Variants in SCFD2 observed in about 807,000 individuals in gnomAD.
SCFD2 encodes sec1 family domain-containing protein 2.
A neutral mutation model predicts 58.9 loss-of-function variants in SCFD2; 54 were observed. The ratio of observed to expected loss-of-function variants is 0.92; its 90% CI spans 0.74 to 1.15. SCFD2 has a LOEUF of 1.15. Among genes scored for constraint, SCFD2 ranks in the 50% most tolerant of loss-of-function variants. The pLI is 0.00. For missense variants in SCFD2, 805 were observed against 836.6 expected, an observed-to-expected ratio of 0.96 and a Z score of 0.47; for synonymous variants, 321 against 335.9, an observed-to-expected ratio of 0.96 and a Z score of 0.49.
At chr4:53,035,145 G>A (rs997373622) in intron 5 of SCFD2, among the ~76,000 whole-genome samples, 1 of 152,116 alleles carries the variant, frequency 6.6e-6, no homozygotes, top group Non-Finnish European at 1.5e-5. Flanking sequence ...CAATGGAACA[G>A]AACAGAGCCT....
chr4:53,305,139 G>A (rs933488093), intron 3 of SCFD2, among the ~76,000 whole-genome samples: 5 of 151,986 alleles, frequency 3.3e-5, no homozygotes, highest in African/African-American at 1.2e-4. Flanking sequence ...TTTAAAGGCT[G>A]AATAATATTT....
intron 4 of SCFD2, among the ~76,000 whole-genome samples, chr4:53,253,192 C>G (rs569519658): frequency 5.3e-5 from 8 of 152,230 alleles, no homozygotes; most frequent in Non-Finnish European, 1.2e-4. Flanking sequence ...CAATGAGATA[C>G]TATCTCCCAC....
intron 4 of SCFD2, among the ~76,000 whole-genome samples, chr4:53,266,336 T>C (rs1560420216): frequency 6.6e-6 from 1 of 152,234 alleles, no homozygotes. Flanking sequence ...TTACTGTACT[T>C]AGTTATGTAT....
At chr4:52,985,269 A>G (rs1263663578) in intron 5 of SCFD2, among the ~76,000 whole-genome samples, 1 of 152,192 alleles carries the variant, frequency 6.6e-6, no homozygotes, top group East Asian at 1.9e-4. Flanking sequence ...GTTAGTGAAA[A>G]CACAGAAACA....
At chr4:53,200,611 A>G (rs1293156096) in intron 4 of SCFD2, among the ~76,000 whole-genome samples, 1 of 152,140 alleles carries the variant, frequency 6.6e-6, no homozygotes, top group African/African-American at 2.4e-5. Flanking sequence ...AAGTCAGAAG[A>G]TAGGACAAGC....
At chr4:52,893,792 T>C (rs1381857327) in intron 7 of SCFD2, among the ~76,000 whole-genome samples, 2 of 152,226 alleles carry the variant, frequency 1.3e-5, no homozygotes, top group African/African-American at 4.8e-5. Context: ...ATCTACAAAA[T>C]GCAGGGCGCT....
At chr4:53,121,033 G>A (rs1392299659) in intron 5 of SCFD2, among the ~76,000 whole-genome samples, 1 of 152,164 alleles carries the variant, frequency 6.6e-6, no homozygotes, top group African/African-American at 2.4e-5. Context: ...GCCATATCCG[G>A]TACTTGATAC....
intron 6 of SCFD2, among the ~76,000 whole-genome samples, chr4:52,908,682 A>C (rs1479091507): frequency 2.0e-5 from 3 of 152,032 alleles, no homozygotes; most frequent in Non-Finnish European, 4.4e-5. Context: ...TTTTTACTCA[A>C]ATTTTCCCTT....
chr4:52,996,417 G>A (rs1721742751), intron 5 of SCFD2, among the ~76,000 whole-genome samples: 1 of 152,204 alleles, frequency 6.6e-6, no homozygotes, highest in Non-Finnish European at 1.5e-5. Context: ...AAACACATTG[G>A]TGTTATTTTC....
At chr4:53,012,655 A>G (rs1205738526) in intron 5 of SCFD2, among the ~76,000 whole-genome samples, 1 of 152,130 alleles carries the variant, frequency 6.6e-6, no homozygotes, top group Non-Finnish European at 1.5e-5. Context: ...TCATTTTCTT[A>G]GCATTTCAGG....
intron 5 of SCFD2, among the ~76,000 whole-genome samples, chr4:53,003,241 C>A (rs1346703848): frequency 6.6e-6 from 1 of 152,196 alleles, no homozygotes; most frequent in East Asian, 1.9e-4. Context: ...AGGCACTGTT[C>A]TTGGCCCTGG....
At chr4:53,068,693 T>C (rs1171431626) in intron 5 of SCFD2, among the ~76,000 whole-genome samples, 1 of 152,120 alleles carries the variant, frequency 6.6e-6, no homozygotes, top group Non-Finnish European at 1.5e-5. Context: ...AAAGGCAGCA[T>C]AATATTCCAT....
chr4:53,247,218 C>T (rs1414039873), intron 4 of SCFD2, among the ~76,000 whole-genome samples: 2 of 152,136 alleles, frequency 1.3e-5, no homozygotes, highest in Non-Finnish European at 2.9e-5. Context: ...AATCTCACAA[C>T]AGCCAAAATG....
At chr4:53,235,841 A>T (rs1196352554) in intron 4 of SCFD2, among the ~76,000 whole-genome samples, 2 of 152,208 alleles carry the variant, frequency 1.3e-5, no homozygotes, top group Non-Finnish European at 2.9e-5. Context: ...GTGTATAAGG[A>T]CAAAAAGGGA....
chr4:53,278,886 A>C (rs1275154219), intron 3 of SCFD2, among the ~76,000 whole-genome samples: 1 of 145,588 alleles, frequency 6.9e-6, no homozygotes, highest in Non-Finnish European at 1.5e-5. Context: ...AGATGCTCTA[A>C]AAAAAAAAAA....
intron 3 of SCFD2, among the ~76,000 whole-genome samples, chr4:53,293,480 A>T (rs1204240170): frequency 6.6e-6 from 1 of 152,196 alleles, no homozygotes; most frequent in African/African-American, 2.4e-5. Flanking sequence ...AAAATGACAT[A>T]TGCAAATCAT....
chr4:53,280,513 C>T (rs1444502892), intron 3 of SCFD2, among the ~76,000 whole-genome samples: 1 of 149,164 alleles, frequency 6.7e-6, no homozygotes, highest in African/African-American at 2.5e-5. Context: ...GAAACTCTGT[C>T]TGGAAAAAAA....
intron 4 of SCFD2, among the ~76,000 whole-genome samples, chr4:53,156,689 C>G (rs1193395379): frequency 6.6e-6 from 1 of 152,224 alleles, no homozygotes; most frequent in Admixed American, 6.5e-5. Context: ...CAGAGTGAGA[C>G]TCCGTCTCAA....
intron 2 of SCFD2, among the ~76,000 whole-genome samples, chr4:53,334,501 AC>A (rs1191552044): frequency 6.6e-6 from 1 of 150,866 alleles, no homozygotes; most frequent in East Asian, 2.0e-4. Context: ...TATCGCAAGA[AC>A]AAAAAACCAA....
Sources: gnomAD v4.1 joint callset for allele counts (sites outside exome capture counted in the v4.1 genomes callset) on GRCh38, gnomAD v4.1.1 for gene constraint, MANE v1.5 for transcripts, NCBI Gene and HGNC (gene_info 2026-07-23, HGNC 2026-07-21) for gene names.